The following NOP53 variants were observed in gnomAD, a reference collection of about 807,000 sequenced individuals.
NOP53 encodes ribosome biogenesis protein NOP53.
A neutral mutation model predicts 61.0 loss-of-function variants in NOP53; 40 were observed. The ratio of observed to expected loss-of-function variants is 0.66; its 90% CI spans 0.51 to 0.85. The LOEUF (loss-of-function observed/expected upper bound fraction) is 0.85. NOP53 is among the 40% of genes least tolerant of loss of function. The pLI, the probability that NOP53 is intolerant of heterozygous loss-of-function variation, is 0.00. For synonymous variants in NOP53, 308 were observed against 289.5 expected, an observed-to-expected ratio of 1.06 and a Z score of -0.65; for missense variants, 689 against 652.9, an observed-to-expected ratio of 1.06 and a Z score of -0.60.
intron 3 of NOP53, among the ~76,000 whole-genome samples, 178 bp from the exon 4 acceptor site, chr19:47,750,730 C>G (rs971231196): frequency 2.6e-5 from 4 of 152,006 alleles, no homozygotes; most frequent in African/African-American, 9.7e-5. Context: ...GAGGGGAGGC[C>G]TAGGCTGGAG....
intron 2 of NOP53, among the ~76,000 whole-genome samples, chr19:47,748,409 A>G (rs2123671440): frequency 1.3e-5 from 2 of 152,244 alleles, no homozygotes. Context: ...CAAACTAAGA[A>G]CAGATGATCT....
rs1383621974 is a variant in NOP53 at position 47,751,099 on chromosome 19, C to T, written c.590C>T (p.Ala197Val). 4.4e-6 allele frequency: 7 copies of T among 1,605,200 alleles called. No homozygotes were observed. Among genetic ancestry groups the T allele is most frequent in the Non-Finnish European group, 5.1e-6 (6 of 1,176,548 alleles). ...TVERPFYDLWASDNPLDRPLV... is the reference protein window; with the variant it reads ...TVERPFYDLWVSDNPLDRPLV... ...GAGCGGCCCTTCTACGACCTCTGGG[C>T]CTCAGACAGTGAGTGATCCTGCTGT... Residue 197 changes from alanine (A) to valine (V), a missense_variant, in exon 4 of 13, where the codon GCC (alanine) becomes GTC (valine). Physicochemically the swap from Ala to Val is moderately conservative, Grantham distance 64 (BLOSUM62 0). Coordinates refer to ENST00000246802, the MANE Select transcript of NOP53 (RefSeq NM_015710.5).
In NOP53 at chr19:47,754,904, G is replaced by T; in HGVS notation, c.1053+13G>T. Reference sequence around the variant, plus strand: ...TGTGCACAGGCTGGTGAGCGCCTGGGCCAGCGGGGCCTGCCTCTGATGCCT... The same window carrying T: ...TGTGCACAGGCTGGTGAGCGCCTGGTCCAGCGGGGCCTGCCTCTGATGCCT... On this transcript the variant is annotated intron_variant, in intron 8 of 12. Coordinates refer to ENST00000246802, the MANE Select transcript of NOP53 (RefSeq NM_015710.5). The surrounding 1 kb of genome is among the most constrained non-coding windows in gnomAD (Gnocchi z 4.2). 1 of 1,491,956 alleles carries T rather than the reference G, an allele frequency of 6.7e-7. No individual in the cohort carries two copies. Among genetic ancestry groups the T allele is most frequent in the Non-Finnish European group, 8.8e-7 (1 of 1,132,046 alleles). The allele number at this position is 1,491,956 out of a possible 1,614,324, so 92.4% of individuals were successfully genotyped here. A position where few individuals can be genotyped will look rare whatever the true frequency, so the allele number is the denominator to read the frequency against.
intron 3 of NOP53, 110 bp from the exon 4 acceptor site, chr19:47,750,798 G>C: frequency 1.2e-6 from 1 of 839,828 alleles, no homozygotes; most frequent in African/African-American, 1.7e-5. Flanking sequence ...TTTTGGAGAG[G>C]GGGTGCTGAA....
intron 1 of NOP53, 34 bp downstream of exon 1, chr19:47,745,817 G>A: frequency 7.0e-7 from 1 of 1,430,396 alleles, no homozygotes; most frequent in Non-Finnish European, 9.3e-7. Context: ...AGGTGGGACG[G>A]TTCCTGCGCC....
chr19:47,746,838 GC>G, intron 1 of NOP53, 128 bp from the exon 2 acceptor site: 2 of 726,714 alleles, frequency 2.8e-6, no homozygotes, highest in South Asian at 3.4e-5. Flanking sequence ...AAACTGCTGG[GC>G]GAAGCCTTAG....
chr19:47,755,750 C>A lies in NOP53; in HGVS notation c.1230-6C>A. The A allele has an allele frequency of 6.2e-7, 1 of 1,607,806 alleles. No individual in the cohort carries two copies. Among genetic ancestry groups the A allele is most frequent in the Non-Finnish European group, 8.5e-7 (1 of 1,177,620 alleles). On this transcript the variant is annotated splice_polypyrimidine_tract_variant and splice_region_variant and intron_variant, in intron 9 of 12. Transcript: ENST00000246802. ...GATATTTCTGAACACCCGCCCTGTT[C>A]TGCAGGTACCAGGCACCTGACATCG...
At chr19:47,751,142 A>T (rs1454983607) in intron 4 of NOP53, 35 bp downstream of exon 4, 1 of 1,548,134 alleles carries the variant, frequency 6.5e-7, no homozygotes, top group East Asian at 2.3e-5. Flanking sequence ...GAATGGGGAC[A>T]GGACGGCCAT....
Position 47,751,503 on chromosome 19 carries a change from C to T in NOP53, c.599-17C>T. On this transcript the variant is annotated splice_polypyrimidine_tract_variant and intron_variant, in intron 4 of 12. Transcript: ENST00000246802. ...ATGCTGGGACTGTCCCAGCAGCTCCCCTCGCTGTATCCACAGACCCCCTGG... is the reference window on the plus strand; with the variant it reads ...ATGCTGGGACTGTCCCAGCAGCTCCTCTCGCTGTATCCACAGACCCCCTGG... 4 of 1,609,358 alleles carry T rather than the reference C, an allele frequency of 2.5e-6. No individual in the cohort carries two copies. Among genetic ancestry groups the T allele is most frequent in the South Asian group, 2.2e-5 (2 of 90,942 alleles).
At chr19:47,750,418 A>G in intron 3 of NOP53, 132 bp downstream of exon 3, 3 of 635,988 alleles carry the variant, frequency 4.7e-6, no homozygotes, top group Non-Finnish European at 8.6e-6. Context: ...TTCGGAGTGC[A>G]GATTAGAGGG....
rs972859198 is a variant in NOP53 at position 47,754,300 on chromosome 19, A to T, written c.766-227A>T. 46 of 539,660 alleles carry T rather than the reference A, an allele frequency of 8.5e-5. No homozygotes were observed. Among genetic ancestry groups the T allele is most frequent in the Non-Finnish European group, 1.4e-4 (42 of 300,114 alleles). The allele number at this position is 539,660 out of a possible 1,614,324, so 33.4% of individuals were successfully genotyped here. On this transcript the variant is annotated intron_variant, in intron 6 of 12. Transcript: ENST00000246802. The surrounding 1 kb of genome is among the most constrained non-coding windows in gnomAD (Gnocchi z 4.2). ...CTCAAAAAAAAAATGTGAAGCGTGC[A>T]GGTCAGACTGCCTTCACAGACGTGC...
Position 47,755,767 on chromosome 19 carries a change from C to T in NOP53, c.1241C>T (p.Pro414Leu), listed in dbSNP as rs1038093853. The change falls in exon 10 of 13, where the codon CCT (proline) becomes CTT (leucine). Residue 414 changes from proline to leucine, a missense_variant. By Grantham distance (98) the Pro-to-Leu change is moderately conservative. Coordinates refer to ENST00000246802, the MANE Select transcript of NOP53 (RefSeq NM_015710.5). ...RRLGRLKYQA[P>L]DIDVQLSSEL... is the part of the protein sequence containing the mutation. Reference sequence around the variant, plus strand: ...GCCCTGTTCTGCAGGTACCAGGCACCTGACATCGACGTGCAGCTGAGCTCG... The same window carrying T: ...GCCCTGTTCTGCAGGTACCAGGCACTTGACATCGACGTGCAGCTGAGCTCG... 6.2e-7 allele frequency: 1 copy of T among 1,610,226 alleles called. No homozygotes were observed. Among genetic ancestry groups the T allele is most frequent in the African/African-American group, 1.3e-5 (1 of 74,964 alleles).
At position 47,748,048 on chromosome 19, in the gene NOP53, G is replaced by A. The variant is rs1599913435; in HGVS notation, c.289+1017G>A. ...GCCCGCCTCGGCCTCCCAAAGTGCTGGGATTACAGGCATGAGCCACCACGC... is the reference window on the plus strand; with the variant it reads ...GCCCGCCTCGGCCTCCCAAAGTGCTAGGATTACAGGCATGAGCCACCACGC... On this transcript the variant is annotated intron_variant, in intron 2 of 12. Coordinates refer to ENST00000246802, the MANE Select transcript of NOP53 (RefSeq NM_015710.5). Among the ~76,000 whole-genome samples the A allele has an allele frequency of 3.9e-5, 6 of 151,978 alleles. No individual in the cohort carries two copies. The South Asian group carries it at 1.3e-3, about 32-fold the overall frequency.
chr19:47,747,182 G>C, intron 2 of NOP53, 151 bp downstream of exon 2: 1 of 612,014 alleles, frequency 1.6e-6, no homozygotes, highest in South Asian at 2.3e-5. Flanking sequence ...ACCTCAAATG[G>C]GCAGAAAGCA....
chr19:47,750,941 G>A lies in NOP53; in HGVS notation c.432G>A (p.Lys144=), dbSNP rs1967116769. The change falls in exon 4 of 13, where the codon AAG becomes AAA. Residue 144 remains lysine (K), a synonymous_variant. Transcript: ENST00000246802. ...VLAHQVPNAK[K]LRRKEQLWEK... ...CCCACCAGGTCCCCAACGCCAAGAA[G>A]CTCAGGCGGAAGGAGCAGCTATGGG... 2 of 1,597,488 alleles carry A rather than the reference G, an allele frequency of 1.3e-6. No homozygotes were observed. The highest frequency in any genetic ancestry group is 8.5e-7 in the Non-Finnish European group (1 of 1,173,558).
At chr19:47,752,476 G>A (rs528433737) in intron 5 of NOP53, 36 bp from the exon 6 acceptor site, 18 of 1,324,882 alleles carry the variant, frequency 1.4e-5, no homozygotes, top group Middle Eastern at 2.0e-4. Context: ...CAGCCCCAAC[G>A]CACGGCCTTA....
intron 5 of NOP53, 30 bp downstream of exon 5, chr19:47,751,620 G>C (rs1284977658): frequency 6.4e-7 from 1 of 1,564,094 alleles, no homozygotes; most frequent in African/African-American, 1.4e-5. Flanking sequence ...CATCCTGGGT[G>C]ATGGGAGGGT....
Position 47,755,374 on chromosome 19 carries a change from C to T in NOP53, c.1080C>T (p.Ala360=), listed in dbSNP as rs766255126. 51 of 1,520,208 alleles carry T rather than the reference C, an allele frequency of 3.4e-5. No homozygotes were observed. Among genetic ancestry groups the T allele is most frequent in the East Asian group, 2.3e-4 (9 of 38,490 alleles). The allele number at this position is 1,520,208 out of a possible 1,614,324, so 94.2% of individuals were successfully genotyped here. ...GGGTACAGCAGGCCGCGTTGCGGGC[C>T]GCCCGGCTCCGGCACCAGGAGCTGT... ...RLRVQQAALR[A]ARLRHQELFR... Residue 360 remains alanine (A), a synonymous_variant, in exon 9 of 13, where the codon GCC becomes GCT. Transcript: ENST00000246802.
At chr19:47,751,178 G>A (rs1480810420) in intron 4 of NOP53, 71 bp downstream of exon 4, 3 of 1,353,894 alleles carry the variant, frequency 2.2e-6, no homozygotes, top group South Asian at 2.5e-5. Flanking sequence ...GTTGTGCACT[G>A]CACGAGAGTA....
Sources: gnomAD v4.1 joint callset for allele counts (sites outside exome capture counted in the v4.1 genomes callset) on GRCh38, gnomAD v4.1.1 for gene constraint, Gnocchi (gnomAD v3.1) non-coding constraint, MANE v1.5 for transcripts, NCBI Gene and HGNC (gene_info 2026-07-23, HGNC 2026-07-21) for gene names.